Variants in EEFSEC observed in about 807,000 individuals in gnomAD.
EEFSEC encodes the protein selenocysteine-specific elongation factor.
EEFSEC carries 43 observed loss-of-function variants against 42.1 expected under a neutral mutation model. The observed-to-expected ratio is 1.02, with a 90% CI of 0.80 to 1.32. EEFSEC has a LOEUF of 1.32. EEFSEC is among the 40% of genes most tolerant of loss of function. The probability of loss-of-function intolerance (pLI) is 0.00; values close to 1 mark genes in which losing one functional copy is unlikely to be tolerated. For missense variants in EEFSEC, 745 were observed against 803.6 expected (o/e 0.93, Z 0.88); for synonymous variants, 354 against 339.1 (o/e 1.04, Z -0.48).
chr3:128,327,799 T>C (rs2067081661), intron 4 of EEFSEC, among the ~76,000 whole-genome samples: 1 of 152,146 alleles, frequency 6.6e-6, no homozygotes, highest in Non-Finnish European at 1.5e-5. Context: ...ACCCAGGCTC[T>C]GTACTAGGGA....
In EEFSEC at chr3:128,299,469, A is replaced by G. The variant is rs546407815; in HGVS notation, c.786+34688A>G. On this transcript the variant is annotated intron_variant, in intron 4 of 6. Transcript: ENST00000254730. ...TTTGCTATTAAGTTGAGTTCCTTAT[A>G]CAGTCTGGTTATTAATCCCTTGTCA... Among the ~76,000 whole-genome samples the G allele has an allele frequency of 5.1e-4, 77 of 152,284 alleles. 1 individual carries two copies. The highest frequency in any genetic ancestry group is 6.2e-4 in the South Asian group (3 of 4,820).
intron 6 of EEFSEC, among the ~76,000 whole-genome samples, chr3:128,404,729 G>A (rs1205070555): frequency 6.6e-6 from 1 of 152,246 alleles, no homozygotes. Flanking sequence ...CTGCAGAGCA[G>A]ACACCGCTCA....
chr3:128,352,287 C>T (rs958999212), intron 5 of EEFSEC, among the ~76,000 whole-genome samples: 4 of 152,208 alleles, frequency 2.6e-5, no homozygotes, highest in Admixed American at 1.3e-4. Flanking sequence ...TCTTTCTAGC[C>T]AGACTTCCTT....
intron 4 of EEFSEC, among the ~76,000 whole-genome samples, chr3:128,274,052 T>C (rs931970358): frequency 3.9e-5 from 6 of 152,108 alleles, no homozygotes; most frequent in Non-Finnish European, 8.8e-5. Flanking sequence ...AGCTTCCTGC[T>C]CTTAGGCCAG....
intron 1 of EEFSEC, among the ~76,000 whole-genome samples, chr3:128,196,655 C>T (rs1576536936): frequency 1.3e-5 from 2 of 152,250 alleles, no homozygotes; most frequent in East Asian, 3.9e-4. Context: ...GCAGGAGTTC[C>T]ATTGTATGAA....
intron 1 of EEFSEC, among the ~76,000 whole-genome samples, chr3:128,154,731 GA>G (rs1944342186): frequency 6.6e-6 from 1 of 152,222 alleles, no homozygotes; most frequent in Non-Finnish European, 1.5e-5. Context: ...TTACAGGCGT[GA>G]GCCACCACGT....
At chr3:128,395,322 C>G (rs1233550978) in intron 6 of EEFSEC, among the ~76,000 whole-genome samples, 1 of 152,208 alleles carries the variant, frequency 6.6e-6, no homozygotes, top group Non-Finnish European at 1.5e-5. Context: ...GTGGCCCACT[C>G]CTGCCTGACC....
At chr3:128,384,379 G>C (rs558571755) in intron 6 of EEFSEC, among the ~76,000 whole-genome samples, 121 of 152,352 alleles carry the variant, frequency 7.9e-4, no homozygotes, top group African/African-American at 2.8e-3. Context: ...GAGTGGACTG[G>C]TTCAGAGGTG....
intron 6 of EEFSEC, among the ~76,000 whole-genome samples, chr3:128,385,246 G>A (rs2067824784): frequency 6.6e-6 from 1 of 152,204 alleles, no homozygotes; most frequent in African/African-American, 2.4e-5. Flanking sequence ...AACCCTGTAG[G>A]TTTCAGAGCT....
rs1467007236 is a variant in EEFSEC at position 128,344,022 on chromosome 3, G to GA, written c.1443+2134dup. Reference sequence around the variant, plus strand: ...ATCCTATGAGCCCAGGGCTTTGGTCGAGGAAGAAGGCCTTCCTGAGGCTCC... The same window carrying GA: ...ATCCTATGAGCCCAGGGCTTTGGTCGAAGGAAGAAGGCCTTCCTGAGGCTCC... On this transcript the variant is annotated intron_variant, in intron 5 of 6. Transcript: ENST00000254730. 5.9e-5 allele frequency among the ~76,000 whole-genome samples: 9 copies of GA among 152,346 alleles called. 1 individual carries two copies. In the South Asian group the frequency reaches 1.9e-3, roughly 32 times the overall value.
chr3:128,315,018 T>C (rs2066929556), intron 4 of EEFSEC, among the ~76,000 whole-genome samples: 1 of 152,202 alleles, frequency 6.6e-6, no homozygotes, highest in Admixed American at 6.5e-5. Flanking sequence ...GGGAAGCCAA[T>C]GTCTCTCCCT....
intron 4 of EEFSEC, among the ~76,000 whole-genome samples, chr3:128,291,840 C>T (rs1400095434): frequency 2.6e-5 from 4 of 152,112 alleles, no homozygotes; most frequent in Non-Finnish European, 5.9e-5. Flanking sequence ...GTGGTGAGAA[C>T]AGATATCTTT....
the EEFSEC span, among the ~76,000 whole-genome samples, chr3:128,417,076 C>T: frequency 1.1e-4 from 17 of 152,216 alleles, no homozygotes; most frequent in African/African-American, 4.1e-4. This position sits in a 1 kb window ranked among gnomAD's most constrained non-coding sequence, Gnocchi z 4.3. Flanking sequence ...TCAGTCAGCC[C>T]CCACCCCATG....
intron 1 of EEFSEC, among the ~76,000 whole-genome samples, chr3:128,216,091 G>A (rs2065808274): frequency 6.6e-6 from 1 of 152,126 alleles, no homozygotes; most frequent in Admixed American, 6.5e-5. Flanking sequence ...TCTCTCAGAG[G>A]AGGAGAATTT....
Position 128,408,327 on chromosome 3 carries a change from C to A in EEFSEC, c.*68C>A, listed in dbSNP as rs1179304664. On this transcript the variant is annotated 3_prime_UTR_variant, in exon 7 of 7. Transcript: ENST00000254730. ...CCAGGCTGCTGTGCCAAATCCCAAC[C>A]AGCCACGCCTCAGCCTCTCCCAGTC... 2.9e-5 allele frequency: 42 copies of A among 1,447,522 alleles called. No homozygotes were observed. The highest frequency in any genetic ancestry group is 3.8e-5 in the Non-Finnish European group (41 of 1,079,232). The allele number at this position is 1,447,522 out of a possible 1,614,324, so 89.7% of individuals were successfully genotyped here. A position where few individuals can be genotyped will look rare whatever the true frequency, so the allele number is the denominator to read the frequency against.
chr3:128,358,161 C>A, intron 5 of EEFSEC, 56 bp from the exon 6 acceptor site: 1 of 1,586,528 alleles, frequency 6.3e-7, no homozygotes. Flanking sequence ...ACAGTCACAG[C>A]TCTTTCAGTG....
chr3:128,194,076 A>C (rs2065555669), intron 1 of EEFSEC, among the ~76,000 whole-genome samples: 1 of 152,252 alleles, frequency 6.6e-6, no homozygotes, highest in South Asian at 2.1e-4. Flanking sequence ...CAAAGGCTGC[A>C]CTTACCCAAT....
chr3:128,411,696 G>A (rs1248493837), downstream of EEFSEC, among the ~76,000 whole-genome samples: 3 of 152,232 alleles, frequency 2.0e-5, no homozygotes, highest in East Asian at 1.9e-4. Context: ...ATGCACAAAC[G>A]AAGAGATAAG....
intron 4 of EEFSEC, among the ~76,000 whole-genome samples, chr3:128,304,702 ATT>A (rs1376181643): frequency 7.0e-6 from 1 of 142,964 alleles, no homozygotes. Context: ...GTTGTTTGTA[ATT>A]TTTTTTTTTT....
Sources: allele counts gnomAD v4.1 joint callset (sites outside exome capture counted in the v4.1 genomes callset), GRCh38; gene constraint gnomAD v4.1.1; non-coding constraint Gnocchi (gnomAD v3.1); transcripts MANE v1.5; gene names NCBI Gene and HGNC (gene_info 2026-07-23, HGNC 2026-07-21).